The following ZNF138 variants were observed in gnomAD, a reference collection of about 807,000 sequenced individuals.
ZNF138 encodes the protein zinc finger protein 138, also known as zinc finger protein 138 (clone pHZ-32).
ZNF138 carries 33 observed loss-of-function variants against 33.0 expected under a neutral mutation model. The ratio of observed to expected loss-of-function variants is 1.00; its 90% CI spans 0.76 to 1.34. ZNF138 has a LOEUF of 1.34. Ranked by LOEUF, ZNF138 falls within the 40% of genes most tolerant of loss-of-function variation. ZNF138 has a pLI of 0.00. For synonymous variants in ZNF138, 139 were observed against 120.4 expected (o/e 1.15, Z -1.01); for missense variants, 360 against 370.8 (o/e 0.97, Z 0.24).
At chr7:64,822,787 T>A (rs1443223330) in intron 3 of ZNF138, among the ~76,000 whole-genome samples, 2 of 152,246 alleles carry the variant, frequency 1.3e-5, no homozygotes, top group Non-Finnish European at 2.9e-5. Context: ...ACTATTTCTG[T>A]AAAAAGATTG....
chr7:64,794,975 AAAAT>A (rs1273123489), intron 1 of ZNF138, among the ~76,000 whole-genome samples: 5 of 152,134 alleles, frequency 3.3e-5, no homozygotes, highest in Admixed American at 3.3e-4. Context: ...TCACCGCAAA[AAAAT>A]TAATTTAATC....
chr7:64,817,944 C>G (rs960204575), intron 3 of ZNF138, among the ~76,000 whole-genome samples: 2 of 151,208 alleles, frequency 1.3e-5, no homozygotes, highest in Non-Finnish European at 2.9e-5. Flanking sequence ...AGGATTTTCA[C>G]TTACTTTCTT....
Position 64,831,670 on chromosome 7 carries a change from A to C in ZNF138, c.428A>C (p.Lys143Thr), listed in dbSNP as rs1790093748. Residue 143 changes from lysine (K) to threonine (T), a missense_variant, in exon 4 of 4, where the codon AAA (lysine) becomes ACA (threonine). Lys to Thr is a moderately conservative substitution (Grantham distance 78, BLOSUM62 -1). Transcript: ENST00000307355. ...ACAAGCAAAATATTTCAATGTAATA[A>C]ATATGTAAAAGTCATGCATAAATTT... ...ITTSKIFQCN[K>T]YVKVMHKFSN... 1.2e-6 allele frequency: 2 copies of C among 1,608,412 alleles called. No individual in the cohort carries two copies. The highest frequency in any genetic ancestry group is 2.7e-5 in the African/African-American group (2 of 74,612).
At chr7:64,853,767 G>A in the ZNF138 span, among the ~76,000 whole-genome samples, 1 of 151,380 alleles carries the variant, frequency 6.6e-6, no homozygotes, top group African/African-American at 2.4e-5. Flanking sequence ...ACTTTAATGT[G>A]TTAATAAATT....
chr7:64,839,535 C>CT, the ZNF138 span, among the ~76,000 whole-genome samples: 1 of 152,104 alleles, frequency 6.6e-6, no homozygotes, highest in Non-Finnish European at 1.5e-5. Context: ...CTGGCCTTCC[C>CT]TTGAGGAAGG....
rs371168428 is a variant in ZNF138 at position 64,831,705 on chromosome 7, A to G, written c.463A>G (p.Asn155Asp). 21 of 1,608,670 alleles carry G rather than the reference A, an allele frequency of 1.3e-5. No individual in the cohort carries two copies. Among genetic ancestry groups the G allele is most frequent in the East Asian group, 2.2e-5 (1 of 44,826 alleles). The change falls in exon 4 of 4, where the codon AAT becomes GAT. Residue 155 changes from asparagine (N) to aspartate (D), a missense_variant. Physicochemically the swap from Asn to Asp is conservative, Grantham distance 23. Transcript: ENST00000307355. Reference protein sequence around the residue: ...VKVMHKFSNSNRHKIRHTENK... With the variant: ...VKVMHKFSNSDRHKIRHTENK... ...AGTCATGCATAAATTTTCAAATTCA[A>G]ATAGACACAAGATAAGACATACTGA...
At chr7:64,797,388 T>TAAG (rs1786774400) in intron 1 of ZNF138, among the ~76,000 whole-genome samples, 1 of 152,238 alleles carries the variant, frequency 6.6e-6, no homozygotes, top group Non-Finnish European at 1.5e-5. Context: ...TTCCCTTATA[T>TAAG]AAACACTGTG....
rs1048025533 is a variant in ZNF138, at chr7:64,803,572, T to C, written c.3+9001T>C. On this transcript the variant is annotated intron_variant, in intron 1 of 3. Transcript: ENST00000307355. ...ATTACTTCAGAACAATTAGCATAGT[T>C]ATGTGTAGTGTTTGTAGACAAACTG... Among the ~76,000 whole-genome samples the C allele has an allele frequency of 2.0e-5, 3 of 152,338 alleles. No individual in the cohort carries two copies. The East Asian group carries it at 5.8e-4, about 29-fold the overall frequency.
chr7:64,810,465 G>GAGGGGA (rs1373951169), intron 1 of ZNF138, among the ~76,000 whole-genome samples: 1 of 150,610 alleles, frequency 6.6e-6, no homozygotes, highest in East Asian at 2.0e-4. Flanking sequence ...GGGGGAGGGG[G>GAGGGGA]AGAGGGAGAG....
At chr7:64,854,620 G>GA in the ZNF138 span, among the ~76,000 whole-genome samples, 11 of 152,002 alleles carry the variant, frequency 7.2e-5, no homozygotes, top group Admixed American at 2.0e-4. Flanking sequence ...GTAACAATTA[G>GA]AAAAAAACAT....
At chr7:64,800,475 A>G (rs142701844) in intron 1 of ZNF138, among the ~76,000 whole-genome samples, 60 of 152,322 alleles carry the variant, frequency 3.9e-4, no homozygotes, top group Non-Finnish European at 7.1e-4. Flanking sequence ...TTGTTAATGT[A>G]ACGAATCACA....
intron 3 of ZNF138, among the ~76,000 whole-genome samples, chr7:64,826,019 T>C (rs1789584147): frequency 6.6e-6 from 1 of 151,984 alleles, no homozygotes; most frequent in African/African-American, 2.4e-5. Context: ...GTATTTTTTG[T>C]AGTGATAGGG....
chr7:64,848,700 G>A, the ZNF138 span, among the ~76,000 whole-genome samples: 2 of 123,564 alleles, frequency 1.6e-5, no homozygotes, highest in African/African-American at 2.9e-5. Context: ...TGTGATTTTG[G>A]TGGATTTTTT....
chr7:64,809,569 T>C (rs1787943452), intron 1 of ZNF138, among the ~76,000 whole-genome samples: 4 of 126,296 alleles, frequency 3.2e-5, no homozygotes, highest in African/African-American at 6.0e-5. Flanking sequence ...CCCTCCCAGA[T>C]GGGGCGGCTG....
chr7:64,794,849 C>G (rs1378309572), intron 1 of ZNF138, among the ~76,000 whole-genome samples: 4 of 152,120 alleles, frequency 2.6e-5, no homozygotes, highest in Non-Finnish European at 4.4e-5. Context: ...TGTGCAGAGA[C>G]GACGGGAGGG....
At chr7:64,807,127 C>G (rs961757744) in intron 1 of ZNF138, among the ~76,000 whole-genome samples, 8 of 152,252 alleles carry the variant, frequency 5.3e-5, no homozygotes, top group African/African-American at 1.9e-4. Context: ...CATCCTTAAT[C>G]TGATATCTAT....
chr7:64,837,181 G>A (rs1054177453), downstream of ZNF138, among the ~76,000 whole-genome samples: 5 of 152,122 alleles, frequency 3.3e-5, no homozygotes, highest in Non-Finnish European at 7.4e-5. Context: ...AGTCCAAGTG[G>A]CCTGATGTTG....
intron 1 of ZNF138, among the ~76,000 whole-genome samples, chr7:64,799,020 G>C (rs971452581): frequency 6.6e-6 from 1 of 151,020 alleles, no homozygotes; most frequent in Non-Finnish European, 1.5e-5. Flanking sequence ...GAATTGCCTT[G>C]GCTATTCAGG....
At chr7:64,823,021 C>G (rs1032739530) in intron 3 of ZNF138, among the ~76,000 whole-genome samples, 2 of 152,004 alleles carry the variant, frequency 1.3e-5, no homozygotes, top group Non-Finnish European at 2.9e-5. Flanking sequence ...GCTGAGATTA[C>G]AGACATGCAC....
Sources: gnomAD v4.1 joint callset for allele counts (sites outside exome capture counted in the v4.1 genomes callset) on GRCh38, gnomAD v4.1.1 for gene constraint, MANE v1.5 for transcripts, NCBI Gene and HGNC (gene_info 2026-07-23, HGNC 2026-07-21) for gene names.